FMR1: variants seen among roughly 807,000 people sequenced by gnomAD.
FMR1 encodes the protein fragile X messenger ribonucleoprotein 1.
Under a neutral mutation model 50.6 loss-of-function variants are expected in FMR1, and 13 were observed. The ratio of observed to expected loss-of-function variants is 0.26; its 90% CI spans 0.17 to 0.41. FMR1 has a LOEUF of 0.41. Among genes scored for constraint, FMR1 ranks in the 10% least tolerant of loss-of-function variants. The pLI, the probability that FMR1 is intolerant of heterozygous loss-of-function variation, is 1.00. For synonymous variants in FMR1, 138 were observed against 164.1 expected (o/e 0.84, Z 1.22); for missense variants, 316 against 491.3 (o/e 0.64, Z 3.37).
chrX:147,923,362 C>A (rs2043256828), intron 2 of FMR1, among the ~76,000 whole-genome samples: 1 of 112,063 alleles, frequency 8.9e-6, no homozygotes, highest in Non-Finnish European at 1.9e-5. Context: ...CAATAGACAA[C>A]AGCATCACAC....
Position 147,945,033 on chromosome X carries a change from CGTG to C in FMR1, c.1638_1640del (p.Gly549del). On this transcript the variant is annotated inframe_deletion, in exon 15 of 17. Transcript: ENST00000370475. ...AGGAAGAGGACAAGGAGGAAGAGGA[CGTG>C]GAGGAGGCTTCAAAGGTATGGAGAT... 1 of 1,182,656 alleles carries C rather than the reference CGTG, an allele frequency of 8.5e-7. No individual in the cohort carries two copies. The highest frequency in any genetic ancestry group is 1.1e-6 in the Non-Finnish European group (1 of 879,248).
intron 2 of FMR1, among the ~76,000 whole-genome samples, chrX:147,922,618 A>G (rs1557176719): frequency 2.7e-5 from 3 of 111,819 alleles, no homozygotes. Context: ...AATGCTAATA[A>G]AGGCTATTTT....
chrX:147,938,425 T>A (rs1394759761), intron 12 of FMR1, among the ~76,000 whole-genome samples: 1 of 111,989 alleles, frequency 8.9e-6, no homozygotes, highest in Non-Finnish European at 1.9e-5. Flanking sequence ...TGAAGTACTT[T>A]GAGTTCTCTG....
At chrX:147,922,871 A>G (rs2043232804) in intron 2 of FMR1, among the ~76,000 whole-genome samples, 1 of 111,833 alleles carries the variant, frequency 8.9e-6, no homozygotes, top group African/African-American at 3.3e-5. Flanking sequence ...TAAAGAGTAC[A>G]GGATTTTTGT....
chrX:147,930,179 T>G lies in FMR1; in HGVS notation c.565T>G (p.Phe189Val), dbSNP rs1557178451. ...AGCACATATGCTGATTGACATGCAC[T>G]TTCGGAGTCTGCGCACTAAGTTGTC... ...KRAHMLIDMH[F>V]RSLRTKLSLI... Residue 189 changes from phenylalanine (F) to valine (V), a missense_variant, in exon 7 of 17, where the codon TTT becomes GTT. By Grantham distance (50) the Phe-to-Val change is conservative. Coordinates refer to ENST00000370475, the MANE Select transcript of FMR1 (RefSeq NM_002024.6). The G allele has an allele frequency of 1.6e-5, 19 of 1,207,708 alleles. No homozygotes were observed. The highest frequency in any genetic ancestry group is 1.8e-5 in the Non-Finnish European group (16 of 893,316).
At chrX:147,928,535 G>A (rs1241346241) in intron 4 of FMR1, 124 bp from the exon 5 acceptor site, 4 of 740,738 alleles carry the variant, frequency 5.4e-6, no homozygotes, top group Non-Finnish European at 8.0e-6. Context: ...TATGTGTTCA[G>A]TATGTTTCTG....
chrX:147,926,280 T>C (rs782505258), intron 3 of FMR1, among the ~76,000 whole-genome samples: 1 of 111,760 alleles, frequency 8.9e-6, no homozygotes, highest in Non-Finnish European at 1.9e-5. Flanking sequence ...TCATATAGTT[T>C]GTGTGGTATC....
intron 14 of FMR1, 56 bp from the exon 15 acceptor site, chrX:147,944,813 C>G: frequency 8.8e-7 from 1 of 1,134,415 alleles, no homozygotes; most frequent in African/African-American, 2.0e-5. Flanking sequence ...TCTGTTAACC[C>G]TCTTTTTTTT....
At position 147,948,669 on chromosome X, in the gene FMR1, A is replaced by G. The variant is rs782652730; in HGVS notation, c.1738-14A>G. ...GATATGGTCTGTGTATATAACAACTATAACTTGTTTTAGATCAGAGTTGAC... is the reference window on the plus strand; with the variant it reads ...GATATGGTCTGTGTATATAACAACTGTAACTTGTTTTAGATCAGAGTTGAC... On this transcript the variant is annotated splice_polypyrimidine_tract_variant and intron_variant, in intron 16 of 16. Transcript: ENST00000370475. The G allele has an allele frequency of 1.3e-5, 16 of 1,210,280 alleles. No homozygotes were observed. In the East Asian group the frequency reaches 4.1e-4, roughly 31 times the overall value.
At chrX:147,917,720 A>G (rs1439207144) in intron 1 of FMR1, among the ~76,000 whole-genome samples, 1 of 111,535 alleles carries the variant, frequency 9.0e-6, no homozygotes, top group Non-Finnish European at 1.9e-5. Flanking sequence ...TCTCTCATTT[A>G]TTTAGTGCCA....
At chrX:147,926,230 C>T (rs2043381874) in intron 3 of FMR1, among the ~76,000 whole-genome samples, 1 of 111,747 alleles carries the variant, frequency 8.9e-6, no homozygotes, top group South Asian at 3.7e-4. Context: ...TTTCTTTCTC[C>T]ATTAGAAATT....
At chrX:147,945,428 A>G (rs782496029) in intron 15 of FMR1, 106 bp from the exon 16 acceptor site, 2 of 618,862 alleles carry the variant, frequency 3.2e-6, no homozygotes, top group African/African-American at 2.2e-5. Flanking sequence ...TATTGATTAC[A>G]TTTCAGATTC....
At chrX:147,932,378 C>T (rs191928768) in intron 7 of FMR1, 47 bp from the exon 8 acceptor site, 24 of 1,137,664 alleles carry the variant, frequency 2.1e-5, no homozygotes, top group Non-Finnish European at 2.2e-5. Flanking sequence ...ATACAGTTGT[C>T]GTAATAGTTG....
chrX:147,942,972 ATCAT>A (rs1244354161), intron 13 of FMR1, among the ~76,000 whole-genome samples, 155 bp from the exon 14 acceptor site: 1 of 112,358 alleles, frequency 8.9e-6, no homozygotes, highest in African/African-American at 3.2e-5. Context: ...TTTTAAGGAG[ATCAT>A]TCAATTTCCT....
chrX:147,946,974 G>A (rs1603043309), intron 16 of FMR1: 1 of 112,309 alleles, frequency 8.9e-6, no homozygotes. Context: ...TTAAGTACCC[G>A]TTTTGTAATT....
At chrX:147,936,376 A>G (rs2043789931) in intron 9 of FMR1, 128 bp from the exon 10 acceptor site, 4 of 473,881 alleles carry the variant, frequency 8.4e-6, no homozygotes, top group Non-Finnish European at 1.5e-5. Flanking sequence ...TTGAAATCTT[A>G]CAATTCAATA....
intron 15 of FMR1, 50 bp downstream of exon 15, chrX:147,945,101 G>T (rs1557181693): frequency 1.7e-6 from 2 of 1,162,789 alleles, no homozygotes; most frequent in Admixed American, 2.6e-5. Flanking sequence ...CAGCTGTCTT[G>T]AAGTTCCATG....
intron 3 of FMR1, among the ~76,000 whole-genome samples, chrX:147,926,101 T>C (rs1371392705): frequency 1.8e-5 from 2 of 112,410 alleles, no homozygotes; most frequent in African/African-American, 6.5e-5. Context: ...TTTATACATA[T>C]TGGTAAAATC....
intron 12 of FMR1, among the ~76,000 whole-genome samples, chrX:147,938,925 T>C (rs1457816827): frequency 8.9e-6 from 1 of 111,804 alleles, no homozygotes; most frequent in East Asian, 2.8e-4. Flanking sequence ...TCAGGTCTAC[T>C]CGTGAAGTGC....
Sources: gnomAD v4.1 joint callset for allele counts (sites outside exome capture counted in the v4.1 genomes callset) on GRCh38, gnomAD v4.1.1 for gene constraint, MANE v1.5 for transcripts, NCBI Gene and HGNC (gene_info 2026-07-23, HGNC 2026-07-21) for gene names.